The following ETV6 variants were observed in gnomAD, a reference collection of about 807,000 sequenced individuals.
The protein encoded by ETV6 is transcription factor ETV6.
Under a neutral mutation model 51.1 loss-of-function variants are expected in ETV6, and 16 were observed. That is an observed-to-expected ratio of 0.31 (90% CI 0.21 to 0.48). The LOEUF (loss-of-function observed/expected upper bound fraction) is 0.48, where lower values mean the gene tolerates loss of function less well. ETV6 is among the 20% of genes least tolerant of loss of function. The pLI is 0.99. For missense variants in ETV6, 458 were observed against 594.8 expected, an observed-to-expected ratio of 0.77 and a Z score of 2.39; for synonymous variants, 240 against 224.1, an observed-to-expected ratio of 1.07 and a Z score of -0.64.
intron 2 of ETV6, among the ~76,000 whole-genome samples, chr12:11,792,102 C>T (rs866472468): frequency 1.5e-3 from 221 of 152,332 alleles, no homozygotes; most frequent in African/African-American, 5.1e-3. Context: ...TCAATATACA[C>T]GTGTAGTATA....
chr12:11,756,466 G>T (rs1204863720), intron 2 of ETV6, among the ~76,000 whole-genome samples: 1 of 152,066 alleles, frequency 6.6e-6, no homozygotes. Context: ...TACAATTACA[G>T]TAGACAGGTG....
rs35812814 is a variant in ETV6 at position 11,892,210 on chromosome 12, ATTTTTTTTTTT to A, written c.*1177_*1187del. 949 of 153,574 alleles carry A rather than the reference ATTTTTTTTTTT, an allele frequency of 6.2e-3. 14 individuals are homozygous for A. Among genetic ancestry groups the A allele is most frequent in the African/African-American group, 0.035 (846 of 24,392 alleles). 9.5% of individuals were successfully genotyped at this position (153,574 alleles called of 1,614,324 possible). A position where few individuals can be genotyped will look rare whatever the true frequency, so the allele number is the denominator to read the frequency against. On this transcript the variant is annotated 3_prime_UTR_variant, in exon 8 of 8. Transcript: ENST00000396373. ...GTGGTCAGTTTCATGCCCTCACCTG[ATTTTTTTTTTT>A]TTTTTTTTTTTTCAATTCCTAACCT...
chr12:11,680,233 A>G (rs1242734632), intron 1 of ETV6, among the ~76,000 whole-genome samples: 1 of 152,230 alleles, frequency 6.6e-6, no homozygotes. Context: ...AGAAACTGTT[A>G]GAAATAAAAA....
intron 1 of ETV6, among the ~76,000 whole-genome samples, chr12:11,674,871 C>T (rs563818156): frequency 6.6e-6 from 1 of 152,244 alleles, no homozygotes; most frequent in African/African-American, 2.4e-5. Flanking sequence ...TCCGGATCCA[C>T]CAATTCCCCG....
chr12:11,712,100 G>A (rs1328884333), intron 1 of ETV6, among the ~76,000 whole-genome samples: 1 of 152,072 alleles, frequency 6.6e-6, no homozygotes, highest in African/African-American at 2.4e-5. Context: ...TCCTCAGGTG[G>A]ACGTTTGAAC....
chr12:11,704,449 C>T (rs775186446), intron 1 of ETV6, among the ~76,000 whole-genome samples: 59 of 152,106 alleles, frequency 3.9e-4, no homozygotes, highest in Non-Finnish European at 2.5e-4. Context: ...CAGGTTTAAG[C>T]GATTCTCCTG....
chr12:11,650,051 G>T lies in ETV6; in HGVS notation c.-77G>T. 1 of 1,333,536 alleles carries T rather than the reference G, an allele frequency of 7.5e-7. No homozygotes were observed. The highest frequency in any genetic ancestry group is 1.1e-6 in the Non-Finnish European group (1 of 925,732). 82.6% of individuals were successfully genotyped at this position (1,333,536 alleles called of 1,614,324 possible). ...TAAATGACCGCGTCTGGCTGGCCGT[G>T]GAGCCTTTCTGGGTTGGGGAGAGGA... is the stretch of plus-strand genomic sequence containing the variant. On this transcript the variant is annotated 5_prime_UTR_variant, in exon 1 of 8. Transcript: ENST00000396373.
chr12:11,708,978 C>G lies in ETV6; in HGVS notation c.34-43472C>G, dbSNP rs139130572. 3.5e-3 allele frequency among the ~76,000 whole-genome samples: 534 copies of G among 152,264 alleles called. 2 individuals are homozygous for G. The highest frequency in any genetic ancestry group is 3.7e-3 in the Non-Finnish European group (251 of 68,022). Reference sequence around the variant, plus strand: ...CAATATCAGCTCATGAATGGAGAGACAGTTGATCAGAGAAAGAGAAATGTC... The same window carrying G: ...CAATATCAGCTCATGAATGGAGAGAGAGTTGATCAGAGAAAGAGAAATGTC... On this transcript the variant is annotated intron_variant, in intron 1 of 7. Coordinates refer to ENST00000396373, the MANE Select transcript of ETV6 (RefSeq NM_001987.5).
chr12:11,759,719 C>G (rs1945056794), intron 2 of ETV6, among the ~76,000 whole-genome samples: 1 of 152,142 alleles, frequency 6.6e-6, no homozygotes, highest in African/African-American at 2.4e-5. Flanking sequence ...TCCACAGTCA[C>G]CCTTACATGT....
At chr12:11,799,061 T>G (rs917701056) in intron 2 of ETV6, among the ~76,000 whole-genome samples, 1 of 152,204 alleles carries the variant, frequency 6.6e-6, no homozygotes, top group African/African-American at 2.4e-5. Flanking sequence ...GGGAACTTCC[T>G]GTGGAGGAGT....
intron 1 of ETV6, among the ~76,000 whole-genome samples, chr12:11,727,902 C>G (rs1266650797): frequency 6.6e-6 from 1 of 152,182 alleles, no homozygotes; most frequent in East Asian, 1.9e-4. Context: ...TCACTCCACC[C>G]TCTACCTCCC....
At chr12:11,830,966 C>T (rs1475245814) in intron 2 of ETV6, among the ~76,000 whole-genome samples, 1 of 152,146 alleles carries the variant, frequency 6.6e-6, no homozygotes, top group African/African-American at 2.4e-5. Context: ...GATGTGTTTT[C>T]TTGACTTAAG....
At position 11,649,708 on chromosome 12, in the gene ETV6, T is replaced by C. The variant is rs1357467402; in HGVS notation, c.-420T>C. 1 of 151,918 alleles carries C rather than the reference T, an allele frequency of 6.6e-6. No homozygotes were observed. The highest frequency in any genetic ancestry group is 1.5e-5 in the Non-Finnish European group (1 of 68,354). The allele number at this position is 151,918 out of a possible 1,614,324, so 9.4% of individuals were successfully genotyped here. ...TCTGCACTGAAACTCTCAAGATCAA[T>C]GAGCAAAGAGCTTTCTCAGTTCTGC... On this transcript the variant is annotated 5_prime_UTR_variant, in exon 1 of 8. An upstream start codon of the reference 5' UTR is lost. Coordinates refer to ENST00000396373, the MANE Select transcript of ETV6 (RefSeq NM_001987.5).
intron 2 of ETV6, among the ~76,000 whole-genome samples, chr12:11,825,046 G>C (rs1946132955): frequency 6.6e-6 from 1 of 152,170 alleles, no homozygotes; most frequent in South Asian, 2.1e-4. Context: ...GAGCAGAATA[G>C]CATCCCTCAA....
At chr12:11,803,648 A>C (rs1407678092) in intron 2 of ETV6, among the ~76,000 whole-genome samples, 1 of 152,208 alleles carries the variant, frequency 6.6e-6, no homozygotes, top group South Asian at 2.1e-4. Context: ...AAAATCCAAA[A>C]TGGTGATTTA....
intron 2 of ETV6, among the ~76,000 whole-genome samples, chr12:11,838,920 G>T (rs532903122): frequency 4.8e-4 from 73 of 152,354 alleles, no homozygotes; most frequent in African/African-American, 1.7e-3. Context: ...TGTACAAACT[G>T]CTCCCTGGAC....
At chr12:11,741,387 G>A (rs1422685764) in intron 1 of ETV6, among the ~76,000 whole-genome samples, 1 of 152,218 alleles carries the variant, frequency 6.6e-6, no homozygotes, top group African/African-American at 2.4e-5. Context: ...GACAGACACA[G>A]CCTTTTGGAT....
At chr12:11,888,820 G>A (rs1947245057) in intron 7 of ETV6, among the ~76,000 whole-genome samples, 1 of 152,164 alleles carries the variant, frequency 6.6e-6, no homozygotes, top group Non-Finnish European at 1.5e-5. Context: ...TCCTGCCTCA[G>A]CCTCCGGAGT....
At chr12:11,651,113 C>T (rs573682909) in intron 1 of ETV6, among the ~76,000 whole-genome samples, 1 of 152,304 alleles carries the variant, frequency 6.6e-6, no homozygotes, top group Admixed American at 6.5e-5. Flanking sequence ...GTTATTTTTC[C>T]CATCGCTGCA....
Sources: gnomAD v4.1 joint callset for allele counts (sites outside exome capture counted in the v4.1 genomes callset) on GRCh38, gnomAD v4.1.1 for gene constraint, MANE v1.5 for transcripts, NCBI Gene and HGNC (gene_info 2026-07-23, HGNC 2026-07-21) for gene names.